Variants in ADSS1 observed in about 807,000 individuals in gnomAD.
The protein encoded by ADSS1 is adenylosuccinate synthase 1.
A neutral mutation model predicts 59.1 loss-of-function variants in ADSS1; 57 were observed. The ratio of observed to expected loss-of-function variants is 0.97; its 90% CI spans 0.78 to 1.20. ADSS1 has a LOEUF of 1.20. ADSS1 is among the 50% of genes most tolerant of loss of function. The pLI is 0.00. For missense variants in ADSS1, 603 were observed against 610.3 expected, an observed-to-expected ratio of 0.99 and a Z score of 0.13; for synonymous variants, 247 against 249.4, an observed-to-expected ratio of 0.99 and a Z score of 0.09.
intron 1 of ADSS1, among the ~76,000 whole-genome samples, chr14:104,734,365 G>A (rs1891039391): frequency 6.6e-6 from 1 of 152,222 alleles, no homozygotes; most frequent in South Asian, 2.1e-4. Flanking sequence ...AGCTTCCACT[G>A]GCACAAGAGG....
Position 104,724,321 on chromosome 14 carries a change from C to T in ADSS1, c.51C>T (p.Val17=), listed in dbSNP as rs1186826759. The T allele has an allele frequency of 1.6e-6, 2 of 1,237,746 alleles. No individual in the cohort carries two copies. Among genetic ancestry groups the T allele is most frequent in the Non-Finnish European group, 2.0e-6 (2 of 988,062 alleles). 76.7% of individuals were successfully genotyped at this position (1,237,746 alleles called of 1,614,324 possible). Residue 17 remains valine (V), a synonymous_variant, in exon 1 of 13, where the codon GTC becomes GTT. Transcript: ENST00000330877. ...SNDRPPGAGG[V]KRGRLQQEAA... ...ACCGGCCCCCCGGCGCAGGCGGCGT[C>T]AAGCGGGGGCGGCTGCAGCAGGAGG...
At chr14:104,736,208 T>A (rs1365142165) in intron 2 of ADSS1, among the ~76,000 whole-genome samples, 2 of 152,172 alleles carry the variant, frequency 1.3e-5, no homozygotes, top group Non-Finnish European at 2.9e-5. Context: ...GGGCGGTCCC[T>A]AGTTCACAGC....
Position 104,724,298 on chromosome 14 carries a change from C to A in ADSS1, c.28C>A (p.Arg10=), listed in dbSNP as rs1319763925. The change falls in exon 1 of 13, where the codon CGG becomes AGG. Residue 10 remains arginine (R), a synonymous_variant. Coordinates refer to ENST00000330877, the MANE Select transcript of ADSS1 (RefSeq NM_152328.5). MSGTRASND[R]PPGAGGVKRG... is the part of the protein sequence containing the mutation. Reference sequence around the variant, plus strand: ...GTCGGGGACCCGAGCCTCCAACGACCGGCCCCCCGGCGCAGGCGGCGTCAA... The same window carrying A: ...GTCGGGGACCCGAGCCTCCAACGACAGGCCCCCCGGCGCAGGCGGCGTCAA... 1.6e-6 allele frequency: 2 copies of A among 1,232,790 alleles called. No individual in the cohort carries two copies. Among genetic ancestry groups the A allele is most frequent in the African/African-American group, 1.6e-5 (1 of 64,222 alleles). The allele number at this position is 1,232,790 out of a possible 1,614,324, so 76.4% of individuals were successfully genotyped here.
intron 8 of ADSS1, among the ~76,000 whole-genome samples, chr14:104,741,579 C>T (rs893841256): frequency 6.6e-6 from 1 of 152,134 alleles, no homozygotes; most frequent in Non-Finnish European, 1.5e-5. Flanking sequence ...ACCAGCTTAC[C>T]CTCACCCCCG....
At chr14:104,742,945 G>A in intron 9 of ADSS1, 122 bp from the exon 10 acceptor site, 1 of 1,434,034 alleles carries the variant, frequency 7.0e-7, no homozygotes, top group Non-Finnish European at 9.6e-7. Flanking sequence ...AGGACTGTCG[G>A]TGGAGGCGGG....
intron 1 of ADSS1, among the ~76,000 whole-genome samples, chr14:104,731,315 C>A (rs1890924414): frequency 6.6e-6 from 1 of 152,204 alleles, no homozygotes; most frequent in Non-Finnish European, 1.5e-5. Context: ...CCTCTAGGCG[C>A]CATCATTCAT....
intron 2 of ADSS1, among the ~76,000 whole-genome samples, chr14:104,736,925 T>C (rs2140788964): frequency 6.9e-6 from 1 of 145,118 alleles, no homozygotes; most frequent in Non-Finnish European, 1.5e-5. Context: ...CATTTTTTTT[T>C]TTTTAGAAAT....
At chr14:104,738,552 C>A in intron 3 of ADSS1, 114 bp downstream of exon 3, 1 of 1,203,600 alleles carries the variant, frequency 8.3e-7, no homozygotes, top group Non-Finnish European at 1.2e-6. Flanking sequence ...GGGGTGGGTT[C>A]CCAACATAGC....
intron 12 of ADSS1, 30 bp from the exon 13 acceptor site, chr14:104,746,921 G>A (rs767876934): frequency 6.2e-7 from 1 of 1,612,884 alleles, no homozygotes; most frequent in Non-Finnish European, 8.5e-7. Context: ...CCTCCAGTGT[G>A]TATCATAACA....
chr14:104,730,198 A>G (rs1890871153), intron 1 of ADSS1: 1 of 1,520,016 alleles, frequency 6.6e-7, no homozygotes, highest in Admixed American at 2.0e-5. Flanking sequence ...GATCCTTAAC[A>G]CCTGGAGGGG....
intron 12 of ADSS1, 151 bp downstream of exon 12, chr14:104,746,536 C>A: frequency 8.3e-7 from 1 of 1,207,708 alleles, no homozygotes; most frequent in Non-Finnish European, 1.1e-6. Flanking sequence ...CGACTCGGAG[C>A]TGGGGCAGTG....
chr14:104,739,718 C>G, intron 4 of ADSS1, 32 bp from the exon 5 acceptor site: 1 of 1,612,354 alleles, frequency 6.2e-7, no homozygotes, highest in African/African-American at 1.3e-5. Flanking sequence ...TCTCTCCTGT[C>G]TCCTGCTGCC....
intron 3 of ADSS1, among the ~76,000 whole-genome samples, 176 bp downstream of exon 3, chr14:104,738,614 G>A (rs1566799165): frequency 6.6e-6 from 1 of 152,254 alleles, no homozygotes; most frequent in Non-Finnish European, 1.5e-5. Context: ...CGAGTGAGCT[G>A]GGCAACCCAG....
chr14:104,734,004 G>T (rs1891026236), intron 1 of ADSS1, among the ~76,000 whole-genome samples: 1 of 152,216 alleles, frequency 6.6e-6, no homozygotes, highest in South Asian at 2.1e-4. Flanking sequence ...GGCCTACAGG[G>T]GTCTCTTATG....
intron 1 of ADSS1, among the ~76,000 whole-genome samples, chr14:104,726,826 G>A (rs1890730282): frequency 6.6e-6 from 1 of 152,200 alleles, no homozygotes; most frequent in Non-Finnish European, 1.5e-5. Context: ...AGGCAGGCTG[G>A]CTGCCAGGAG....
chr14:104,745,091 G>A (rs959836150), intron 11 of ADSS1, 182 bp downstream of exon 11: 10 of 577,086 alleles, frequency 1.7e-5, no homozygotes, highest in East Asian at 9.4e-5. Flanking sequence ...TCCCCACAGC[G>A]TTCCCCAGGA....
intron 1 of ADSS1, among the ~76,000 whole-genome samples, chr14:104,727,042 G>T (rs552081305): frequency 8.3e-4 from 126 of 152,298 alleles, no homozygotes; most frequent in African/African-American, 2.8e-3. Flanking sequence ...CCCCCTGGTG[G>T]CCCCTGGCAC....
intron 1 of ADSS1, chr14:104,730,339 A>G: frequency 9.1e-7 from 1 of 1,101,340 alleles, no homozygotes; most frequent in Non-Finnish European, 1.2e-6. Flanking sequence ...AAAATACAAA[A>G]ATTATCTGGG....
intron 9 of ADSS1, among the ~76,000 whole-genome samples, chr14:104,742,637 G>A (rs1595212232): frequency 6.6e-6 from 1 of 152,248 alleles, no homozygotes; most frequent in Non-Finnish European, 1.5e-5. Context: ...GGGGAGGGGC[G>A]GACGCCATCC....
Sources: allele counts gnomAD v4.1 joint callset (sites outside exome capture counted in the v4.1 genomes callset), GRCh38; gene constraint gnomAD v4.1.1; transcripts MANE v1.5; gene names NCBI Gene and HGNC (gene_info 2026-07-23, HGNC 2026-07-21).